MAP4K5: variants seen among roughly 807,000 people sequenced by gnomAD.
MAP4K5 encodes the protein MAPK/ERK kinase kinase kinase 5.
Under a neutral mutation model 135.6 loss-of-function variants are expected in MAP4K5, and 82 were observed. The observed-to-expected ratio is 0.60, with a 90% CI of 0.51 to 0.73. The LOEUF (loss-of-function observed/expected upper bound fraction) is 0.73. Among genes scored for constraint, MAP4K5 ranks in the 30% least tolerant of loss-of-function variants. The pLI is 0.00. For synonymous variants in MAP4K5, 347 were observed against 335.0 expected (o/e 1.04, Z -0.39); for missense variants, 907 against 1,010.9 (o/e 0.90, Z 1.39).
At chr14:50,473,983 C>T (rs1286538433) in intron 9 of MAP4K5, among the ~76,000 whole-genome samples, 1 of 152,128 alleles carries the variant, frequency 6.6e-6, no homozygotes, top group Admixed American at 6.5e-5. Context: ...CTCAGCCTCT[C>T]AAAGTGCTGG....
At chr14:50,541,123 G>A (rs577110040) in intron 2 of MAP4K5, among the ~76,000 whole-genome samples, 27 of 152,218 alleles carry the variant, frequency 1.8e-4, no homozygotes, top group East Asian at 7.7e-4. Flanking sequence ...TTCAATTCCC[G>A]TCAGCAAAAA....
At chr14:50,531,861 G>T in intron 2 of MAP4K5, 81 bp downstream of exon 2, 1 of 1,010,032 alleles carries the variant, frequency 9.9e-7, no homozygotes, top group Non-Finnish European at 1.5e-6. Flanking sequence ...TCCTCCTCTC[G>T]CCCCAATACT....
chr14:50,445,393 A>C (rs1014761420), intron 17 of MAP4K5, among the ~76,000 whole-genome samples, 199 bp from the exon 18 acceptor site: 2 of 152,014 alleles, frequency 1.3e-5, no homozygotes, highest in African/African-American at 4.8e-5. Flanking sequence ...AAACTGATAA[A>C]ATTTTTATAA....
At chr14:50,484,330 T>C (rs1566671660) in intron 5 of MAP4K5, among the ~76,000 whole-genome samples, 2 of 152,208 alleles carry the variant, frequency 1.3e-5, no homozygotes, top group East Asian at 3.8e-4. Flanking sequence ...TTATGGATTA[T>C]TTGTTGTGAC....
intron 17 of MAP4K5, 78 bp from the exon 18 acceptor site, chr14:50,445,272 T>C: frequency 7.4e-7 from 1 of 1,354,118 alleles, no homozygotes; most frequent in Non-Finnish European, 1.0e-6. Context: ...GAAATGCACC[T>C]TTTTTCATTC....
chr14:50,475,968 T>C (rs910520367), intron 8 of MAP4K5, among the ~76,000 whole-genome samples, 160 bp downstream of exon 8: 5 of 152,218 alleles, frequency 3.3e-5, no homozygotes, highest in Non-Finnish European at 5.9e-5. Flanking sequence ...AAAATGAGTT[T>C]TGGGAGTAAA....
chr14:50,464,630 G>A (rs2036790441), intron 11 of MAP4K5, among the ~76,000 whole-genome samples: 1 of 152,190 alleles, frequency 6.6e-6, no homozygotes, highest in African/African-American at 2.4e-5. Context: ...CTTCACTGAT[G>A]AAGTGGGGAA....
intron 10 of MAP4K5, among the ~76,000 whole-genome samples, chr14:50,467,702 T>C (rs555536669): frequency 4.9e-4 from 74 of 152,228 alleles, no homozygotes; most frequent in African/African-American, 1.6e-3. Context: ...ACTGAAACAT[T>C]TGTATTGCCC....
chr14:50,528,529 G>A lies in MAP4K5; in HGVS notation c.108+3413C>T, dbSNP rs569170032. On this transcript the variant is annotated intron_variant, in intron 2 of 32. Transcript: ENST00000682126. Reference sequence around the variant, plus strand: ...GGTCAAGAATTTGAGACTAGCTTGGGCAACACAGGAAGACCCTGTCTTTAC... The same window carrying A: ...GGTCAAGAATTTGAGACTAGCTTGGACAACACAGGAAGACCCTGTCTTTAC... Among the ~76,000 whole-genome samples the A allele has an allele frequency of 5.9e-5, 9 of 151,662 alleles. No individual in the cohort carries two copies. In the South Asian group the frequency reaches 1.3e-3, roughly 21 times the overall value.
At chr14:50,527,596 T>C (rs2038294771) in intron 2 of MAP4K5, among the ~76,000 whole-genome samples, 1 of 152,154 alleles carries the variant, frequency 6.6e-6, no homozygotes, top group Non-Finnish European at 1.5e-5. Context: ...TATTAAATTA[T>C]TAGCAGTACC....
At position 50,462,762 on chromosome 14, in the gene MAP4K5, G is replaced by A. The variant is rs1342539012; in HGVS notation, c.839C>T (p.Pro280Leu). 2 of 1,607,594 alleles carry A rather than the reference G, an allele frequency of 1.2e-6. No homozygotes were observed. Among genetic ancestry groups the A allele is most frequent in the Non-Finnish European group, 8.5e-7 (1 of 1,175,222 alleles). ...RLLTHTFVAQ[P>L]GLSRALAVEL... is the part of the protein sequence containing the mutation. ...AACTGCTAGGGCTCTAGAGAGACCT[G>A]GCTGTGCAACAAAAGTGTGCTAAAA... Residue 280 changes from proline to leucine, a missense_variant, in exon 13 of 33, where the codon CCA (proline) becomes CTA (leucine). Coordinates refer to ENST00000682126, the MANE Select transcript of MAP4K5 (RefSeq NM_006575.6).
At chr14:50,475,230 G>A in intron 8 of MAP4K5, 81 bp from the exon 9 acceptor site, 1 of 972,468 alleles carries the variant, frequency 1.0e-6, no homozygotes, top group Non-Finnish European at 1.6e-6. Flanking sequence ...AGGCATGGCA[G>A]TATTAATAAT....
chr14:50,431,237 TTATC>T (rs1301137318), intron 28 of MAP4K5, among the ~76,000 whole-genome samples: 3 of 152,094 alleles, frequency 2.0e-5, no homozygotes, highest in Admixed American at 6.5e-5. Flanking sequence ...TCTATGGGTT[TTATC>T]TTTTTTATTT....
chr14:50,431,760 A>T (rs1181259421), intron 28 of MAP4K5, among the ~76,000 whole-genome samples: 2 of 151,962 alleles, frequency 1.3e-5, no homozygotes, highest in Admixed American at 6.6e-5. Flanking sequence ...TCCTTTGGGT[A>T]TATACCCAGT....
intron 6 of MAP4K5, among the ~76,000 whole-genome samples, chr14:50,478,079 T>C (rs2037144543): frequency 6.6e-6 from 1 of 152,286 alleles, no homozygotes; most frequent in East Asian, 1.9e-4. Flanking sequence ...TGGCATCATC[T>C]GGCCCGGAGT....
At chr14:50,426,107 G>A (rs1195946461) in intron 30 of MAP4K5, 130 bp from the exon 31 acceptor site, 13 of 489,668 alleles carry the variant, frequency 2.7e-5, no homozygotes, top group Non-Finnish European at 4.3e-5. Context: ...TCTAGACCAC[G>A]ATTTCTCAAC....
Position 50,445,119 on chromosome 14 carries a change from A to T in MAP4K5, c.1261T>A (p.Ser421Thr). The change falls in exon 18 of 33, where the codon TCA becomes ACA. Residue 421 changes from serine to threonine, a missense_variant. Ser to Thr is a moderately conservative substitution (Grantham distance 58). Transcript: ENST00000682126. ...AGAATTTGGGGAGCTCTGCTTTCTG[A>T]ATCAGGACAATGTTTTATGGTTGAT... Reference protein sequence around the residue: ...KASTIKHCPDSESRAPQILRR... With the variant: ...KASTIKHCPDTESRAPQILRR... 6.2e-7 allele frequency: 1 copy of T among 1,613,680 alleles called. No individual in the cohort carries two copies.
chr14:50,540,442 G>A (rs564666530), intron 2 of MAP4K5, among the ~76,000 whole-genome samples: 10 of 152,246 alleles, frequency 6.6e-5, no homozygotes, highest in South Asian at 2.1e-4. Context: ...GGGTGAGGGC[G>A]GATGTCTTTG....
chr14:50,489,343 G>A (rs574276887), intron 3 of MAP4K5, among the ~76,000 whole-genome samples: 3 of 152,236 alleles, frequency 2.0e-5, no homozygotes, highest in African/African-American at 7.2e-5. Flanking sequence ...GTGAGAGTCT[G>A]TCTCCAAAGA....
Sources: allele counts gnomAD v4.1 joint callset (sites outside exome capture counted in the v4.1 genomes callset), GRCh38; gene constraint gnomAD v4.1.1; transcripts MANE v1.5; gene names NCBI Gene and HGNC (gene_info 2026-07-23, HGNC 2026-07-21).